Variants in PDE11A observed in about 807,000 individuals in gnomAD.
PDE11A encodes the protein dual 3',5'-cyclic-AMP and -GMP phosphodiesterase 11A.
Under a neutral mutation model 100.5 loss-of-function variants are expected in PDE11A, and 100 were observed. The observed-to-expected ratio is 1.00, with a 90% CI of 0.85 to 1.18. The LOEUF is 1.18. PDE11A is among the 50% of genes most tolerant of loss of function. The probability of loss-of-function intolerance (pLI) is 0.00; values close to 1 mark genes in which losing one functional copy is unlikely to be tolerated. For synonymous variants in PDE11A, 381 were observed against 420.8 expected, an observed-to-expected ratio of 0.91 and a Z score of 1.16; for missense variants, 1,141 against 1,152.6, an observed-to-expected ratio of 0.99 and a Z score of 0.15.
At chr2:177,989,017 G>A (rs1374305129) in intron 2 of PDE11A, among the ~76,000 whole-genome samples, 1 of 152,200 alleles carries the variant, frequency 6.6e-6, no homozygotes, top group Non-Finnish European at 1.5e-5. Flanking sequence ...ATCTCAGAGA[G>A]GATGGCAAAA....
intron 4 of PDE11A, among the ~76,000 whole-genome samples, chr2:177,890,454 A>C (rs2084512174): frequency 6.6e-6 from 1 of 152,200 alleles, no homozygotes; most frequent in Non-Finnish European, 1.5e-5. Flanking sequence ...AGATGGCTGA[A>C]GGGAAGTAAC....
At position 177,821,672 on chromosome 2, in the gene PDE11A, A is replaced by T. The variant is rs114712580; in HGVS notation, c.1501-1377T>A. On this transcript the variant is annotated intron_variant, in intron 6 of 19. Coordinates refer to ENST00000286063, the MANE Select transcript of PDE11A (RefSeq NM_016953.4). ...AAAAAAATTTTGACAATTCTGATAG[A>T]TATGTGGTTATATCTCCTTGTGAAA... 8.9e-3 allele frequency among the ~76,000 whole-genome samples: 1,351 copies of T among 151,968 alleles called. 13 individuals carry two copies. Among genetic ancestry groups the T allele is most frequent in the East Asian group, 0.059 (305 of 5,190 alleles).
chr2:177,681,639 C>A (rs940724031), intron 15 of PDE11A, among the ~76,000 whole-genome samples: 5 of 152,134 alleles, frequency 3.3e-5, no homozygotes, highest in African/African-American at 1.2e-4. Flanking sequence ...TTCTAAGCCC[C>A]CAACCAAATA....
intron 13 of PDE11A, among the ~76,000 whole-genome samples, chr2:177,706,565 A>T (rs774138632): frequency 1.2e-4 from 18 of 152,234 alleles, no homozygotes; most frequent in Non-Finnish European, 2.2e-4. Context: ...CTTGACCATG[A>T]TGCTAAAAAG....
At chr2:178,035,786 A>T (rs890500792) in intron 1 of PDE11A, among the ~76,000 whole-genome samples, 4 of 152,250 alleles carry the variant, frequency 2.6e-5, no homozygotes, top group African/African-American at 9.6e-5. Context: ...CCACATGATT[A>T]TCTCAATAGA....
At chr2:177,783,184 T>C (rs1468947066) in intron 9 of PDE11A, among the ~76,000 whole-genome samples, 1 of 152,222 alleles carries the variant, frequency 6.6e-6, no homozygotes, top group African/African-American at 2.4e-5. Flanking sequence ...CATCCTCTGA[T>C]TACTAGAGGC....
At chr2:177,683,458 A>G (rs1195464349) in intron 15 of PDE11A, 1 of 152,152 alleles carries the variant, frequency 6.6e-6, no homozygotes, top group Non-Finnish European at 1.5e-5. Context: ...TTTTCATATT[A>G]CTGAGATAGC....
At chr2:177,910,031 C>G (rs1361317680) in intron 2 of PDE11A, among the ~76,000 whole-genome samples, 2 of 152,096 alleles carry the variant, frequency 1.3e-5, no homozygotes, top group African/African-American at 4.8e-5. Context: ...TTTTGTCAGC[C>G]TCAATCAAAG....
At chr2:177,702,023 ATGTAGTAGAT>A (rs1397233440) in intron 13 of PDE11A, among the ~76,000 whole-genome samples, 1 of 152,248 alleles carries the variant, frequency 6.6e-6, no homozygotes, top group Admixed American at 6.5e-5. Flanking sequence ...AGTTCCCAGC[ATGTAGTAGAT>A]TGTAGTCTGT....
chr2:177,731,277 T>A (rs1025705025), intron 10 of PDE11A, among the ~76,000 whole-genome samples: 3 of 152,230 alleles, frequency 2.0e-5, no homozygotes, highest in Non-Finnish European at 4.4e-5. Context: ...AGCGGCCTGA[T>A]AATCTTTAGT....
intron 3 of PDE11A, chr2:177,899,637 A>AATATATATATATATTT (rs1553487181): frequency 2.5e-5 from 5 of 203,206 alleles, no homozygotes; most frequent in African/African-American, 1.2e-4. Context: ...CAGATTCTTA[A>AATATATATATATATTT]ATATATATAT....
intron 2 of PDE11A, among the ~76,000 whole-genome samples, chr2:178,088,335 T>C (rs2087383589): frequency 6.6e-6 from 1 of 152,236 alleles, no homozygotes; most frequent in South Asian, 2.1e-4. Flanking sequence ...AATTATTCTG[T>C]ATTATACACA....
intron 1 of PDE11A, among the ~76,000 whole-genome samples, chr2:178,032,768 T>C (rs2086565494): frequency 6.6e-6 from 1 of 152,088 alleles, no homozygotes; most frequent in Non-Finnish European, 1.5e-5. Flanking sequence ...GGGTCTAGAG[T>C]GGACCTCCAG....
chr2:177,797,936 A>G lies in PDE11A; in HGVS notation c.1737+18893T>C, dbSNP rs1053115774. On this transcript the variant is annotated intron_variant, in intron 9 of 19. Coordinates refer to ENST00000286063, the MANE Select transcript of PDE11A (RefSeq NM_016953.4). ...TTCCTCTCCTGCTGAAAACACTTCA[A>G]TGATTCTCCACTGCTTTTAGAATCA... Among the ~76,000 whole-genome samples the G allele has an allele frequency of 5.7e-4, 86 of 152,184 alleles. 1 individual carries two copies. The highest frequency in any genetic ancestry group is 3.3e-3 in the Admixed American group (50 of 15,280).
At chr2:177,694,905 C>A (rs921948341) in intron 15 of PDE11A, among the ~76,000 whole-genome samples, 2 of 151,920 alleles carry the variant, frequency 1.3e-5, no homozygotes, top group Non-Finnish European at 2.9e-5. Flanking sequence ...GCATCCTGTT[C>A]TTGTTTCATG....
At chr2:177,634,020 A>T (rs1466913255) in intron 19 of PDE11A, among the ~76,000 whole-genome samples, 1 of 152,310 alleles carries the variant, frequency 6.6e-6, no homozygotes, top group East Asian at 1.9e-4. Context: ...AATGATCTTA[A>T]AAGCAACACA....
intron 18 of PDE11A, among the ~76,000 whole-genome samples, chr2:177,669,030 C>A (rs2080633383): frequency 6.6e-6 from 1 of 152,088 alleles, no homozygotes; most frequent in South Asian, 2.1e-4. Flanking sequence ...ACCTAGTTCC[C>A]CAGGTGAAAC....
At chr2:178,038,379 A>G (rs1248475840) in intron 1 of PDE11A, among the ~76,000 whole-genome samples, 7 of 151,662 alleles carry the variant, frequency 4.6e-5, no homozygotes, top group Non-Finnish European at 8.8e-5. Flanking sequence ...TAAATCAGCC[A>G]TGCAGTATGC....
intron 1 of PDE11A, among the ~76,000 whole-genome samples, chr2:178,047,179 A>C (rs923183164): frequency 3.3e-5 from 5 of 152,080 alleles, no homozygotes; most frequent in Non-Finnish European, 5.9e-5. Flanking sequence ...ATATCACCCA[A>C]GGCCGGGCAT....
Sources: gnomAD v4.1 joint callset for allele counts (sites outside exome capture counted in the v4.1 genomes callset) on GRCh38, gnomAD v4.1.1 for gene constraint, MANE v1.5 for transcripts, NCBI Gene and HGNC (gene_info 2026-07-23, HGNC 2026-07-21) for gene names.